The following TTC29 variants were observed in gnomAD, a reference collection of about 807,000 sequenced individuals.
TTC29 encodes tetratricopeptide repeat domain 29.
TTC29 carries 49 observed loss-of-function variants against 58.1 expected under a neutral mutation model. The ratio of observed to expected loss-of-function variants is 0.84; its 90% CI spans 0.67 to 1.07. The LOEUF is 1.07. TTC29 is among the 50% of genes least tolerant of loss of function. The pLI, the probability that TTC29 is intolerant of heterozygous loss-of-function variation, is 0.00. For missense variants in TTC29, 582 were observed against 555.6 expected, an observed-to-expected ratio of 1.05 and a Z score of -0.48; for synonymous variants, 209 against 196.8, an observed-to-expected ratio of 1.06 and a Z score of -0.52.
intron 6 of TTC29, among the ~76,000 whole-genome samples, chr4:146,901,067 T>C (rs950255837): frequency 6.6e-6 from 1 of 152,120 alleles, no homozygotes; most frequent in Admixed American, 6.6e-5. Context: ...GACAGTTCCA[T>C]TTGACAGTCC....
intron 8 of TTC29, among the ~76,000 whole-genome samples, chr4:146,846,460 C>T (rs530384592): frequency 1.3e-5 from 2 of 152,144 alleles, no homozygotes; most frequent in African/African-American, 2.4e-5. Context: ...CTTCCATTTA[C>T]TCTAGAGTAA....
chr4:146,860,298 A>C (rs1379698630), intron 8 of TTC29, among the ~76,000 whole-genome samples: 1 of 152,190 alleles, frequency 6.6e-6, no homozygotes, highest in East Asian at 1.9e-4. Context: ...GTATGGCTTT[A>C]TCTTTGCTTA....
At chr4:146,722,459 T>G (rs1743441636) in intron 11 of TTC29, among the ~76,000 whole-genome samples, 3 of 152,116 alleles carry the variant, frequency 2.0e-5, no homozygotes, top group Admixed American at 2.0e-4. Flanking sequence ...AGCATGGTAC[T>G]GGTACAAAAA....
chr4:146,715,906 C>G (rs1047083008), intron 11 of TTC29, among the ~76,000 whole-genome samples: 1 of 151,852 alleles, frequency 6.6e-6, no homozygotes, highest in Non-Finnish European at 1.5e-5. Context: ...TATAATGTGT[C>G]AACTAAAAAT....
At chr4:146,875,375 G>T (rs1051578711) in intron 6 of TTC29, among the ~76,000 whole-genome samples, 1 of 152,118 alleles carries the variant, frequency 6.6e-6, no homozygotes, top group Non-Finnish European at 1.5e-5. Context: ...ATTTAGTAAG[G>T]TTAAGAATTT....
intron 11 of TTC29, among the ~76,000 whole-genome samples, chr4:146,731,972 T>C: frequency 6.6e-6 from 1 of 152,236 alleles, no homozygotes; most frequent in East Asian, 1.9e-4. Context: ...TTGCCAATAC[T>C]TGTTAATCAG....
chr4:146,833,412 T>G (rs1373012954), intron 9 of TTC29, among the ~76,000 whole-genome samples: 1 of 152,208 alleles, frequency 6.6e-6, no homozygotes, highest in Non-Finnish European at 1.5e-5. Context: ...AAAGCATGAC[T>G]GAAGCATAAA....
intron 6 of TTC29, among the ~76,000 whole-genome samples, chr4:146,893,388 C>G (rs1216402538): frequency 1.3e-5 from 2 of 152,138 alleles, no homozygotes; most frequent in Non-Finnish European, 2.9e-5. Flanking sequence ...GTATCTACAA[C>G]CATCTGATCT....
chr4:146,747,364 C>G (rs1437940849), intron 11 of TTC29, among the ~76,000 whole-genome samples: 1 of 152,194 alleles, frequency 6.6e-6, no homozygotes, highest in Non-Finnish European at 1.5e-5. Context: ...GGCTCAGCCA[C>G]CACTGCACCA....
intron 2 of TTC29, among the ~76,000 whole-genome samples, chr4:146,941,139 G>A (rs1383009324): frequency 6.6e-6 from 1 of 152,142 alleles, no homozygotes; most frequent in Non-Finnish European, 1.5e-5. Flanking sequence ...TGGTGCAAGG[G>A]CTGTCAGATA....
intron 8 of TTC29, among the ~76,000 whole-genome samples, chr4:146,863,086 C>T (rs1240003179): frequency 1.3e-5 from 2 of 148,968 alleles, no homozygotes; most frequent in Non-Finnish European, 3.0e-5. Flanking sequence ...CGTGCCACTA[C>T]ACTCCAGCCT....
intron 11 of TTC29, among the ~76,000 whole-genome samples, chr4:146,733,728 A>G (rs1350062222): frequency 6.6e-6 from 1 of 152,174 alleles, no homozygotes. Context: ...AAATGGAAGT[A>G]TTATGTTAAT....
intron 8 of TTC29, among the ~76,000 whole-genome samples, chr4:146,854,058 T>C (rs994603241): frequency 5.9e-5 from 9 of 152,114 alleles, no homozygotes; most frequent in African/African-American, 1.7e-4. Context: ...GATAACTGAT[T>C]TGTTTCTACA....
chr4:146,815,820 G>A (rs1183453110), intron 10 of TTC29, among the ~76,000 whole-genome samples: 1 of 152,120 alleles, frequency 6.6e-6, no homozygotes, highest in African/African-American at 2.4e-5. Flanking sequence ...TAAAAGGATT[G>A]TTCCTCAAAA....
intron 11 of TTC29, among the ~76,000 whole-genome samples, chr4:146,749,052 T>C (rs1361984423): frequency 6.6e-6 from 1 of 152,078 alleles, no homozygotes; most frequent in African/African-American, 2.4e-5. Context: ...ATGTGGTGGC[T>C]CATGCCTGTA....
At chr4:146,913,062 CACGTGT>C (rs1733995513) in intron 4 of TTC29, among the ~76,000 whole-genome samples, 2 of 152,008 alleles carry the variant, frequency 1.3e-5, no homozygotes, top group African/African-American at 4.8e-5. Flanking sequence ...AGGGGACCTC[CACGTGT>C]TACCCTAGAA....
chr4:146,806,720 G>T (rs192076098), intron 10 of TTC29, among the ~76,000 whole-genome samples: 44 of 152,008 alleles, frequency 2.9e-4, no homozygotes, highest in African/African-American at 1.0e-3. Context: ...CCATACAGGA[G>T]CACCCAGATG....
intron 11 of TTC29, among the ~76,000 whole-genome samples, chr4:146,763,603 G>C (rs918253143): frequency 6.6e-6 from 1 of 152,102 alleles, no homozygotes; most frequent in Non-Finnish European, 1.5e-5. Flanking sequence ...CGATGAGCAG[G>C]TGTACTTATC....
At chr4:146,771,884 T>A (rs1747761166) in intron 11 of TTC29, among the ~76,000 whole-genome samples, 1 of 152,178 alleles carries the variant, frequency 6.6e-6, no homozygotes, top group South Asian at 2.1e-4. Flanking sequence ...ATATAAGCAT[T>A]CCCTTTTCTC....
Sources: gnomAD v4.1 joint callset for allele counts (sites outside exome capture counted in the v4.1 genomes callset) on GRCh38, gnomAD v4.1.1 for gene constraint, MANE v1.5 for transcripts, NCBI Gene and HGNC (gene_info 2026-07-23, HGNC 2026-07-21) for gene names.